The following PPP1R16B variants were observed in gnomAD, a reference collection of about 807,000 sequenced individuals.
The protein encoded by PPP1R16B is protein phosphatase 1 regulatory subunit 16B.
PPP1R16B carries 14 observed loss-of-function variants against 61.7 expected under a neutral mutation model. That is an observed-to-expected ratio of 0.23 (90% CI 0.15 to 0.35). The LOEUF (loss-of-function observed/expected upper bound fraction) is 0.35. PPP1R16B is among the 10% of genes least tolerant of loss of function. The probability of loss-of-function intolerance (pLI) is 1.00; values close to 1 mark genes in which losing one functional copy is unlikely to be tolerated. For synonymous variants in PPP1R16B, 266 were observed against 305.3 expected, an observed-to-expected ratio of 0.87 and a Z score of 1.34; for missense variants, 547 against 752.5, an observed-to-expected ratio of 0.73 and a Z score of 3.19.
intron 2 of PPP1R16B, among the ~76,000 whole-genome samples, chr20:38,888,358 A>T (rs908130340): frequency 7.9e-5 from 12 of 152,124 alleles, no homozygotes; most frequent in Non-Finnish European, 1.3e-4. Flanking sequence ...TTGTGTATTC[A>T]AGTTCGTCCA....
chr20:38,868,783 AT>A (rs1370997835), intron 2 of PPP1R16B, among the ~76,000 whole-genome samples: 2 of 152,198 alleles, frequency 1.3e-5, no homozygotes, highest in Non-Finnish European at 2.9e-5. Context: ...GCTCTGTGAA[AT>A]CTTTGATGGC....
intron 2 of PPP1R16B, among the ~76,000 whole-genome samples, chr20:38,883,611 G>A (rs2085219570): frequency 6.6e-6 from 1 of 152,166 alleles, no homozygotes; most frequent in African/African-American, 2.4e-5. Flanking sequence ...GGGTGGCGGG[G>A]CACCGACTGT....
At chr20:38,846,728 C>G (rs763709746) in intron 2 of PPP1R16B, among the ~76,000 whole-genome samples, 2 of 152,102 alleles carry the variant, frequency 1.3e-5, no homozygotes, top group Admixed American at 1.3e-4. Flanking sequence ...GTTGGCCGGG[C>G]GCTGTGGCTC....
intron 2 of PPP1R16B, 58 bp downstream of exon 2, chr20:38,836,233 G>A: frequency 6.4e-7 from 1 of 1,562,530 alleles, no homozygotes; most frequent in Non-Finnish European, 8.6e-7. Flanking sequence ...ATCAGGGTTT[G>A]GAATCCAGGT....
At chr20:38,819,728 C>T (rs562889322) in intron 1 of PPP1R16B, among the ~76,000 whole-genome samples, 1 of 151,964 alleles carries the variant, frequency 6.6e-6, no homozygotes, top group African/African-American at 2.4e-5. Context: ...CAATTTCTGG[C>T]TGCGTTCCAG....
At position 38,922,200 on chromosome 20, in the gene PPP1R16B, C is replaced by T. The variant is rs2085604784; in HGVS notation, c.*3534C>T. On this transcript the variant is annotated 3_prime_UTR_variant, in exon 11 of 11. Transcript: ENST00000299824. ...GTAAAACTGCTCTGCACTGTTTAAT[C>T]CATTTCCAAGGGGCTTAGAAAAGCT... 3 of 152,710 alleles carry T rather than the reference C, an allele frequency of 2.0e-5. 1 individual carries two copies. The South Asian group carries it at 6.2e-4, about 32-fold the overall frequency. 9.5% of individuals were successfully genotyped at this position (152,710 alleles called of 1,614,324 possible). A position where few individuals can be genotyped will look rare whatever the true frequency, so the allele number is the denominator to read the frequency against.
At position 38,908,183 on chromosome 20, in the gene PPP1R16B, A is replaced by G. The variant is rs764500209; in HGVS notation, c.1184A>G (p.Asn395Ser). The G allele has an allele frequency of 1.9e-6, 3 of 1,614,260 alleles. No homozygotes were observed. The highest frequency in any genetic ancestry group is 1.7e-5 in the Admixed American group (1 of 60,034). ...AGGGAGACCAGGACAGACCAAGAGA[A>G]TAAGGACCCTGTGAGTGGCCTCACG... ...DIRETRTDQENKDPNPRLEKP... is the reference protein window; with the variant it reads ...DIRETRTDQESKDPNPRLEKP... Residue 395 changes from asparagine (N) to serine (S), a missense_variant, in exon 10 of 11, where the codon AAT becomes AGT. By Grantham distance (46) the Asn-to-Ser change is conservative. Coordinates refer to ENST00000299824, the MANE Select transcript of PPP1R16B (RefSeq NM_015568.4).
rs574844943 is a variant in PPP1R16B, at chr20:38,872,117, G to A, written c.251-17478G>A. Among the ~76,000 whole-genome samples the A allele has an allele frequency of 2.0e-5, 3 of 152,364 alleles. No homozygotes were observed. The East Asian group carries it at 5.8e-4, about 29-fold the overall frequency. On this transcript the variant is annotated intron_variant, in intron 2 of 10. Coordinates refer to ENST00000299824, the MANE Select transcript of PPP1R16B (RefSeq NM_015568.4). ...GCAGGCACTCTGACTGAGGTGCACA[G>A]AGCCTGCTGAGGGCACTTAAGTCAG...
chr20:38,841,005 C>T (rs2145723295), intron 2 of PPP1R16B, among the ~76,000 whole-genome samples: 1 of 152,236 alleles, frequency 6.6e-6, no homozygotes. Flanking sequence ...TGATTGTCAT[C>T]ATTGTTATTA....
At chr20:38,863,069 C>T (rs1377642749) in intron 2 of PPP1R16B, among the ~76,000 whole-genome samples, 1 of 152,152 alleles carries the variant, frequency 6.6e-6, no homozygotes, top group Non-Finnish European at 1.5e-5. Context: ...GCAGAGAGAA[C>T]ATTTGTGGGC....
intron 2 of PPP1R16B, among the ~76,000 whole-genome samples, chr20:38,843,992 A>C (rs2084923258): frequency 6.6e-6 from 1 of 152,244 alleles, no homozygotes; most frequent in Admixed American, 6.5e-5. Context: ...TTGATACTAC[A>C]TCTAAACTCA....
chr20:38,809,597 G>A (rs972571909), intron 1 of PPP1R16B, among the ~76,000 whole-genome samples: 3 of 152,144 alleles, frequency 2.0e-5, no homozygotes, highest in African/African-American at 4.8e-5. Flanking sequence ...GTAGCTGGGT[G>A]AGGATGGACA....
At chr20:38,872,359 T>C (rs1314098816) in intron 2 of PPP1R16B, among the ~76,000 whole-genome samples, 4 of 152,202 alleles carry the variant, frequency 2.6e-5, no homozygotes, top group Non-Finnish European at 5.9e-5. Context: ...GCTGTAGCCC[T>C]GCACCTGGTG....
chr20:38,877,390 A>T (rs2085175057), intron 2 of PPP1R16B, among the ~76,000 whole-genome samples: 1 of 151,324 alleles, frequency 6.6e-6, no homozygotes, highest in Non-Finnish European at 1.5e-5. Flanking sequence ...GCCCACTGCA[A>T]CCTCCACCTC....
At chr20:38,891,071 T>A (rs2085288660) in intron 3 of PPP1R16B, among the ~76,000 whole-genome samples, 1 of 152,148 alleles carries the variant, frequency 6.6e-6, no homozygotes, top group Non-Finnish European at 1.5e-5. Context: ...AGAGAGCGGG[T>A]GGCTGCTATA....
At position 38,907,171 on chromosome 20, in the gene PPP1R16B, GAT is replaced by G. The variant is rs1201368824; in HGVS notation, c.898+119_898+120del. 6.4e-6 allele frequency: 5 copies of G among 778,536 alleles called. No homozygotes were observed. In the East Asian group the frequency reaches 1.3e-4, roughly 20 times the overall value. The allele number at this position is 778,536 out of a possible 1,614,324, so 48.2% of individuals were successfully genotyped here. ...AGATTGATGGATTGGTGTCTAGATA[GAT>G]AGATGGATTAATTAATGGATGGTAG... On this transcript the variant is annotated intron_variant, in intron 8 of 10. Coordinates refer to ENST00000299824, the MANE Select transcript of PPP1R16B (RefSeq NM_015568.4). This position sits in a 1 kb window ranked among gnomAD's most constrained non-coding sequence, Gnocchi z 4.5.
At chr20:38,810,723 C>A (rs1418937937) in intron 1 of PPP1R16B, among the ~76,000 whole-genome samples, 2 of 152,140 alleles carry the variant, frequency 1.3e-5, no homozygotes, top group Non-Finnish European at 2.9e-5. Flanking sequence ...CTTGCATCGC[C>A]ATTGAATTCT....
At chr20:38,909,415 A>G (rs2085471459) in intron 10 of PPP1R16B, among the ~76,000 whole-genome samples, 1 of 152,234 alleles carries the variant, frequency 6.6e-6, no homozygotes, top group Non-Finnish European at 1.5e-5. Flanking sequence ...AGATAAAGTC[A>G]CATTCAGAGA....
chr20:38,879,323 G>A (rs2085189629), intron 2 of PPP1R16B, among the ~76,000 whole-genome samples: 1 of 152,120 alleles, frequency 6.6e-6, no homozygotes. Context: ...AGCTTTGGTG[G>A]AGAAATCTTA....
Sources: allele counts gnomAD v4.1 joint callset (sites outside exome capture counted in the v4.1 genomes callset), GRCh38; gene constraint gnomAD v4.1.1; non-coding constraint Gnocchi (gnomAD v3.1); transcripts MANE v1.5; gene names NCBI Gene and HGNC (gene_info 2026-07-23, HGNC 2026-07-21).